RBFOX1: variants seen among roughly 807,000 people sequenced by gnomAD.
RBFOX1 encodes the protein RNA binding fox-1 homolog 1, also known as RNA binding protein fox-1 homolog 1.
A neutral mutation model predicts 57.7 loss-of-function variants in RBFOX1; 8 were observed. That is an observed-to-expected ratio of 0.14 (90% CI 0.08 to 0.25). The LOEUF (loss-of-function observed/expected upper bound fraction) is 0.25, where lower values mean the gene tolerates loss of function less well. RBFOX1 is among the 10% of genes least tolerant of loss of function. RBFOX1 has a pLI of 1.00. For synonymous variants in RBFOX1, 326 were observed against 222.4 expected (o/e 1.47, Z -4.15); for missense variants, 611 against 548.5 (o/e 1.11, Z -1.14).
intron 3 of RBFOX1, among the ~76,000 whole-genome samples, chr16:5,764,219 A>G (rs1451732090): frequency 2.6e-5 from 4 of 152,198 alleles, no homozygotes; most frequent in Non-Finnish European, 5.9e-5. Context: ...TCTGGACACC[A>G]CATCATGGTT....
At chr16:5,743,248 G>A (rs1327347937) in intron 3 of RBFOX1, among the ~76,000 whole-genome samples, 1 of 152,170 alleles carries the variant, frequency 6.6e-6, no homozygotes, top group Non-Finnish European at 1.5e-5. Flanking sequence ...CATCCCAGGG[G>A]TAAATTTAAT....
At chr16:5,903,352 C>G (rs2058357140) in intron 4 of RBFOX1, among the ~76,000 whole-genome samples, 1 of 152,116 alleles carries the variant, frequency 6.6e-6, no homozygotes, top group African/African-American at 2.4e-5. Context: ...AGAAGTCATG[C>G]GTGACTATGC....
At chr16:6,854,896 G>C (rs1299983967) in intron 3 of RBFOX1, among the ~76,000 whole-genome samples, 2 of 151,908 alleles carry the variant, frequency 1.3e-5, no homozygotes, top group African/African-American at 4.8e-5. Context: ...GCCCAGCCGA[G>C]GTGAATAATT....
intron 4 of RBFOX1, among the ~76,000 whole-genome samples, chr16:7,059,270 A>C (rs1053873488): frequency 6.6e-6 from 1 of 152,138 alleles, no homozygotes; most frequent in Non-Finnish European, 1.5e-5. Flanking sequence ...CACGGAAGAA[A>C]ATGTAAGCCC....
chr16:7,142,794 G>C (rs2074113728), intron 4 of RBFOX1, among the ~76,000 whole-genome samples: 1 of 152,150 alleles, frequency 6.6e-6, no homozygotes, highest in East Asian at 1.9e-4. Flanking sequence ...TGAACACAGT[G>C]TTGCTTAAAC....
At chr16:6,751,434 G>A (rs60790813) in intron 3 of RBFOX1, among the ~76,000 whole-genome samples, 13,486 of 152,092 alleles carry the variant, frequency 0.089, 747 homozygotes, top group East Asian at 0.15. Context: ...TATTCTTGGG[G>A]CATTTGTACC....
chr16:7,524,848 C>G (rs2078318702), intron 5 of RBFOX1, among the ~76,000 whole-genome samples: 1 of 152,220 alleles, frequency 6.6e-6, no homozygotes, highest in Non-Finnish European at 1.5e-5. Context: ...GATTTTGAAG[C>G]TGATGGAATC....
Position 6,167,621 on chromosome 16 carries a change from A to G in RBFOX1, c.-127+147629A>G, listed in dbSNP as rs1205432923. ...TAGGAATTTCAGGAGACCAAAAGAA[A>G]GAGCTTGCTCAAATATTATAACTTG... On this transcript the variant is annotated intron_variant, in intron 1 of 15. Coordinates refer to ENST00000550418, the MANE Select transcript of RBFOX1 (RefSeq NM_018723.4). 2.0e-5 allele frequency among the ~76,000 whole-genome samples: 3 copies of G among 152,232 alleles called. No individual in the cohort carries two copies. In the East Asian group the frequency reaches 5.8e-4, roughly 29 times the overall value.
chr16:5,391,072 A>G (rs933168714), intron 1 of RBFOX1, among the ~76,000 whole-genome samples: 1 of 152,196 alleles, frequency 6.6e-6, no homozygotes, highest in Non-Finnish European at 1.5e-5. Flanking sequence ...ACTTCACTCC[A>G]TCTCTAGTGA....
chr16:7,031,774 C>T (rs537539530), intron 3 of RBFOX1, among the ~76,000 whole-genome samples: 1 of 152,276 alleles, frequency 6.6e-6, no homozygotes, highest in African/African-American at 2.4e-5. Flanking sequence ...TTACCCACTG[C>T]AGAGAAGATG....
At chr16:7,455,004 G>T (rs561106761) in intron 4 of RBFOX1, among the ~76,000 whole-genome samples, 1 of 152,150 alleles carries the variant, frequency 6.6e-6, no homozygotes, top group Non-Finnish European at 1.5e-5. Context: ...TTTGCTCATG[G>T]GTTCATTTAT....
chr16:5,590,132 T>G (rs1567267423), intron 2 of RBFOX1, among the ~76,000 whole-genome samples: 2 of 152,234 alleles, frequency 1.3e-5, no homozygotes, highest in African/African-American at 4.8e-5. Flanking sequence ...GATTTCTTTA[T>G]TTTATGACTT....
chr16:6,091,713 C>T (rs62014012), intron 1 of RBFOX1, among the ~76,000 whole-genome samples: 26,037 of 152,032 alleles, frequency 0.17, 2,543 homozygotes, highest in Non-Finnish European at 0.21. Context: ...GCCTGGAATC[C>T]CAGCTACCTG....
chr16:6,680,781 C>G (rs1311476695), intron 3 of RBFOX1, among the ~76,000 whole-genome samples: 1 of 152,136 alleles, frequency 6.6e-6, no homozygotes, highest in Non-Finnish European at 1.5e-5. Context: ...AGATGGGCAC[C>G]TAACTTTGCA....
intron 12 of RBFOX1, among the ~76,000 whole-genome samples, chr16:7,659,099 T>C (rs2067046104): frequency 1.3e-5 from 2 of 152,230 alleles, no homozygotes; most frequent in South Asian, 2.1e-4. Flanking sequence ...TCTAGGTATC[T>C]CTGAGTAAGA....
intron 9 of RBFOX1, among the ~76,000 whole-genome samples, chr16:7,605,407 A>C (rs1184983596): frequency 6.6e-6 from 1 of 152,200 alleles, no homozygotes; most frequent in Admixed American, 6.5e-5. Context: ...GGGCCCAGGA[A>C]TTAAATATGC....
chr16:7,404,709 C>G (rs1386338430), intron 4 of RBFOX1, among the ~76,000 whole-genome samples: 1 of 144,372 alleles, frequency 6.9e-6, no homozygotes, highest in Non-Finnish European at 1.6e-5. Flanking sequence ...TCAGAAAAAA[C>G]AAACAAACAA....
At chr16:7,589,938 T>C (rs2094352884) in intron 7 of RBFOX1, among the ~76,000 whole-genome samples, 1 of 150,766 alleles carries the variant, frequency 6.6e-6, no homozygotes. Context: ...TGTGTGTGTG[T>C]GTGTGTGTGT....
At position 5,995,281 on chromosome 16, in the gene RBFOX1, T is replaced by C. The variant is rs143329472; in HGVS notation, c.351+127946T>C. Among the ~76,000 whole-genome samples the C allele has an allele frequency of 4.4e-3, 665 of 152,344 alleles. 10 individuals are homozygous for C. The highest frequency in any genetic ancestry group is 0.015 in the African/African-American group (627 of 41,582). The stretch of plus-strand genomic sequence containing the variant: ...CTTTCTTTTTGCAAACTGCTAAACA[T>C]AGTTGCACATATATCTTAGAGCCCA... On this transcript the variant is annotated intron_variant, in intron 4 of 19. Transcript: ENST00000641259.
Sources: allele counts gnomAD v4.1 joint callset (sites outside exome capture counted in the v4.1 genomes callset), GRCh38; gene constraint gnomAD v4.1.1; transcripts MANE v1.5; gene names NCBI Gene and HGNC (gene_info 2026-07-23, HGNC 2026-07-21).